Variants in GMPPB observed in about 807,000 individuals in gnomAD.
GMPPB encodes the protein mannose-1-phosphate guanylyltransferase catalytic subunit beta.
GMPPB carries 38 observed loss-of-function variants against 40.3 expected under a neutral mutation model. The ratio of observed to expected loss-of-function variants is 0.94; its 90% CI spans 0.73 to 1.24. The LOEUF (loss-of-function observed/expected upper bound fraction) is 1.24. Ranked by LOEUF, GMPPB falls within the 50% of genes most tolerant of loss-of-function variation. The pLI, the probability that GMPPB is intolerant of heterozygous loss-of-function variation, is 0.00. For synonymous variants in GMPPB, 193 were observed against 191.8 expected, an observed-to-expected ratio of 1.01 and a Z score of -0.05; for missense variants, 436 against 487.1, an observed-to-expected ratio of 0.90 and a Z score of 0.99.
Position 49,721,331 on chromosome 3 carries a change from A to G in GMPPB, c.*421T>C, listed in dbSNP as rs4768. On this transcript the variant is annotated 3_prime_UTR_variant, in exon 9 of 9. Coordinates refer to ENST00000308388, the MANE Select transcript of GMPPB (RefSeq NM_021971.4). ...CCCTCACAGCCTGTGCCATCCTGGA[A>G]CCTCCACCTTTGAACCCAGAGCCAG... 480,821 of 1,613,390 alleles carry G rather than the reference A, an allele frequency of 0.3. 73,936 individuals are homozygous for G. The highest frequency in any genetic ancestry group is 0.32 in the Non-Finnish European group (375,464 of 1,179,554).
In GMPPB at chr3:49,722,662, C is replaced by T; in HGVS notation, c.495G>A (p.Val165=). 6.2e-7 allele frequency: 1 copy of T among 1,614,050 alleles called. No individual in the cohort carries two copies. Among genetic ancestry groups the T allele is most frequent in the Non-Finnish European group, 8.5e-7 (1 of 1,180,042 alleles). ...CTGCGTTGATCTTATTGGACACAAA[C>T]ACCTGTGGCTTCTCCACGAACCGGT... ...RIHRFVEKPQ[V]FVSNKINAGM... Residue 165 remains valine (V), a synonymous_variant, in exon 5 of 9, where the codon GTG becomes GTA. Transcript: ENST00000308388.
At position 49,722,280 on chromosome 3, in the gene GMPPB, T is replaced by C. The variant is rs2080427047; in HGVS notation, c.719A>G (p.Gln240Arg). ...AGGGCCTGAGCACAGCCGCTCAGGC[T>C]GCTTCTGCCTCAGTGACTGCAGGAA... ...CLFLQSLRQKQPERLCSGPGI... is the reference protein window; with the variant it reads ...CLFLQSLRQKRPERLCSGPGI... Residue 240 changes from glutamine (Q) to arginine (R), a missense_variant, in exon 7 of 9, where the codon CAG (glutamine) becomes CGG (arginine). Coordinates refer to ENST00000308388, the MANE Select transcript of GMPPB (RefSeq NM_021971.4). 1 of 1,613,934 alleles carries C rather than the reference T, an allele frequency of 6.2e-7. No individual in the cohort carries two copies. Among genetic ancestry groups the C allele is most frequent in the Non-Finnish European group, 8.5e-7 (1 of 1,180,020 alleles).
chr3:49,722,559 C>G (rs879114878), intron 5 of GMPPB, 37 bp downstream of exon 5: 2 of 1,612,860 alleles, frequency 1.2e-6, no homozygotes, highest in African/African-American at 1.3e-5. Flanking sequence ...TGATGGCCTG[C>G]CCCACCCCAG....
At chr3:49,722,552 T>C (rs1444242187) in intron 5 of GMPPB, 42 bp from the exon 6 acceptor site, 1 of 1,613,376 alleles carries the variant, frequency 6.2e-7, no homozygotes, top group African/African-American at 1.3e-5. Context: ...ATGGCGGTGA[T>C]GGCCTGCCCC....
At chr3:49,723,164 A>C (rs2080449735) in intron 3 of GMPPB, 50 bp from the exon 4 acceptor site, 11 of 1,612,446 alleles carry the variant, frequency 6.8e-6, no homozygotes, top group Non-Finnish European at 8.5e-6. Flanking sequence ...GAGTCCCTGG[A>C]TTCAGGCTCA....
rs761577278 is a variant in GMPPB at position 49,722,546 on chromosome 3, C to T, written c.562-36G>A. On this transcript the variant is annotated intron_variant, in intron 5 of 8. Transcript: ENST00000308388. ...GGGCAGCTTGTGAGCAGGGTCATGGCGGTGATGGCCTGCCCCACCCCAGCC... is the reference window on the plus strand; with the variant it reads ...GGGCAGCTTGTGAGCAGGGTCATGGTGGTGATGGCCTGCCCCACCCCAGCC... The T allele has an allele frequency of 4.3e-6, 7 of 1,613,328 alleles. No individual in the cohort carries two copies. The African/African-American group carries it at 5.3e-5, about 12-fold the overall frequency.
In GMPPB at chr3:49,723,814, T is replaced by TGCCCGGCCCCGC. The variant is rs2080463316; in HGVS notation, c.-100_-89dup. 3 of 1,423,332 alleles carry TGCCCGGCCCCGC rather than the reference T, an allele frequency of 2.1e-6. No individual in the cohort carries two copies. The highest frequency in any genetic ancestry group is 2.5e-4 in the Middle Eastern group (1 of 3,982). The allele number at this position is 1,423,332 out of a possible 1,614,324, so 88.2% of individuals were successfully genotyped here. A position where few individuals can be genotyped will look rare whatever the true frequency, so the allele number is the denominator to read the frequency against. On this transcript the variant is annotated 5_prime_UTR_variant, in exon 1 of 9. Transcript: ENST00000308388. ...TCCCTGCCGCGCACTCCCAACGCCGTGCCCGGCCCCGCGCCCTTCACCAAC... is the reference window on the plus strand; with the variant it reads ...TCCCTGCCGCGCACTCCCAACGCCGTGCCCGGCCCCGCGCCCGGCCCCGCGCCCTTCACCAAC...
rs2080463815 is a variant in GMPPB, at chr3:49,723,853, T to C, written c.-127A>G. ...CCCTTCACCAACCCGCCTGACAGAC[T>C]CTGGCTCCACCTCGTCCGCCCGGTC... On this transcript the variant is annotated 5_prime_UTR_variant, in exon 1 of 9. Coordinates refer to ENST00000308388, the MANE Select transcript of GMPPB (RefSeq NM_021971.4). 4.4e-6 allele frequency: 5 copies of C among 1,140,554 alleles called. No homozygotes were observed. The highest frequency in any genetic ancestry group is 6.0e-6 in the Non-Finnish European group (5 of 836,938). 70.7% of individuals were successfully genotyped at this position (1,140,554 alleles called of 1,614,324 possible).
At position 49,723,862 on chromosome 3, in the gene GMPPB, A is replaced by G; in HGVS notation, c.-136T>C. ...AACCCGCCTGACAGACTCTGGCTCCACCTCGTCCGCCCGGTCGCCCTGACG... is the reference window on the plus strand; with the variant it reads ...AACCCGCCTGACAGACTCTGGCTCCGCCTCGTCCGCCCGGTCGCCCTGACG... On this transcript the variant is annotated 5_prime_UTR_variant, in exon 1 of 9. Coordinates refer to ENST00000308388, the MANE Select transcript of GMPPB (RefSeq NM_021971.4). 9.7e-7 allele frequency: 1 copy of G among 1,029,154 alleles called. No individual in the cohort carries two copies. Among genetic ancestry groups the G allele is most frequent in the East Asian group, 2.8e-5 (1 of 35,566 alleles). The allele number at this position is 1,029,154 out of a possible 1,614,324, so 63.8% of individuals were successfully genotyped here.
intron 5 of GMPPB, 35 bp downstream of exon 5, chr3:49,722,561 C>T: frequency 6.2e-7 from 1 of 1,613,250 alleles, no homozygotes; most frequent in Non-Finnish European, 8.5e-7. Flanking sequence ...ATGGCCTGCC[C>T]CACCCCAGCC....
rs2080397354 is a variant in GMPPB at position 49,721,164 on chromosome 3, T to A, written c.*588A>T. On this transcript the variant is annotated 3_prime_UTR_variant, in exon 9 of 9. Coordinates refer to ENST00000308388, the MANE Select transcript of GMPPB (RefSeq NM_021971.4). ...GCAGTAGGTACATGCAGGGCAGTCC[T>A]CATCCCCTCCCCTGTTGTAGAGCCT... 6.2e-7 allele frequency: 1 copy of A among 1,614,172 alleles called. No homozygotes were observed. The highest frequency in any genetic ancestry group is 8.5e-7 in the Non-Finnish European group (1 of 1,180,014).
In GMPPB at chr3:49,721,997, T is replaced by C. The variant is rs1464582508; in HGVS notation, c.919A>G (p.Ile307Val). The C allele has an allele frequency of 7.4e-7, 1 of 1,356,376 alleles. No individual in the cohort carries two copies. The highest frequency in any genetic ancestry group is 4.8e-5 in the East Asian group (1 of 20,890). 84.0% of individuals were successfully genotyped at this position (1,356,376 alleles called of 1,614,324 possible). A position where few individuals can be genotyped will look rare whatever the true frequency, so the allele number is the denominator to read the frequency against. The change falls in exon 8 of 9, where the codon ATT (isoleucine) becomes GTT (valine). Residue 307 changes from isoleucine to valine, a missense_variant. By Grantham distance (29) the Ile-to-Val change is conservative. Transcript: ENST00000308388. ...CCCACGCGGCAGCGCCAGCCCACAA[T>C]GCAGGACTCAAGCCAGGAATGGGAA... ...IRSHSWLESC[I>V]VGWRCRVGQW...
rs1457049404 is a variant in GMPPB, at chr3:49,720,737, G to A, written c.*1015C>T. On this transcript the variant is annotated 3_prime_UTR_variant, in exon 9 of 9. Transcript: ENST00000308388. ...TAAGAACAGCAAAGTCCTAGGCTGGGAATATTCAAGAGGCATCACATCCTC... is the reference window on the plus strand; with the variant it reads ...TAAGAACAGCAAAGTCCTAGGCTGGAAATATTCAAGAGGCATCACATCCTC... The A allele has an allele frequency of 8.1e-6, 13 of 1,611,066 alleles. No homozygotes were observed. The highest frequency in any genetic ancestry group is 1.1e-5 in the Non-Finnish European group (13 of 1,177,612).
At position 49,721,135 on chromosome 3, in the gene GMPPB, G is replaced by T. The variant is rs1383867536; in HGVS notation, c.*617C>A. Reference sequence around the variant, plus strand: ...GTGGGCCCCACAGCTTGGTGGTGGGGAGAGCAGTAGGTACATGCAGGGCAG... The same window carrying T: ...GTGGGCCCCACAGCTTGGTGGTGGGTAGAGCAGTAGGTACATGCAGGGCAG... On this transcript the variant is annotated 3_prime_UTR_variant, in exon 9 of 9. Coordinates refer to ENST00000308388, the MANE Select transcript of GMPPB (RefSeq NM_021971.4). 6.2e-7 allele frequency: 1 copy of T among 1,614,038 alleles called. No homozygotes were observed. Among genetic ancestry groups the T allele is most frequent in the Non-Finnish European group, 8.5e-7 (1 of 1,179,918 alleles).
At chr3:49,721,911 G>A in intron 8 of GMPPB, 28 bp from the exon 9 acceptor site, 1 of 1,613,848 alleles carries the variant, frequency 6.2e-7, no homozygotes, top group East Asian at 2.2e-5. Flanking sequence ...CCTTGTCAGG[G>A]AGGCAGGCAC....
Position 49,723,892 on chromosome 3 carries a change from A to T in GMPPB, c.-166T>A. On this transcript the variant is annotated 5_prime_UTR_variant, in exon 1 of 9. Transcript: ENST00000308388. Reference sequence around the variant, plus strand: ...GTCCGCCCGGTCGCCCTGACGCCGGATCCAGGGCCGCCACAACACAGAACG... The same window carrying T: ...GTCCGCCCGGTCGCCCTGACGCCGGTTCCAGGGCCGCCACAACACAGAACG... The T allele has an allele frequency of 4.1e-6, 3 of 726,688 alleles. No homozygotes were observed. The South Asian group carries it at 6.0e-5, about 15-fold the overall frequency. 45.0% of individuals were successfully genotyped at this position (726,688 alleles called of 1,614,324 possible).
Position 49,722,341 on chromosome 3 carries a change from C to G in GMPPB, c.658G>C (p.Gly220Arg). The G allele has an allele frequency of 1.9e-6, 3 of 1,613,894 alleles. No individual in the cohort carries two copies. Among genetic ancestry groups the G allele is most frequent in the Non-Finnish European group, 2.5e-6 (3 of 1,179,964 alleles). Residue 220 changes from glycine (G) to arginine (R), a missense_variant, in exon 7 of 9, where the codon GGG (glycine) becomes CGG (arginine). By Grantham distance (125) the Gly-to-Arg change is moderately radical. Coordinates refer to ENST00000308388, the MANE Select transcript of GMPPB (RefSeq NM_021971.4). ...CCAGTGAGGAAGTCCTTGGGCTGCCCAATGTCCATCCAGAAGCCTGTAGGG... is the reference window on the plus strand; with the variant it reads ...CCAGTGAGGAAGTCCTTGGGCTGCCGAATGTCCATCCAGAAGCCTGTAGGG... ...MELQGFWMDI[G>R]QPKDFLTGMC...
chr3:49,721,857 C>G lies in GMPPB; in HGVS notation c.978G>C (p.Leu326=), dbSNP rs1209349404. 6.2e-7 allele frequency: 1 copy of G among 1,613,850 alleles called. No individual in the cohort carries two copies. Among genetic ancestry groups the G allele is most frequent in the Non-Finnish European group, 8.5e-7 (1 of 1,179,984 alleles). Residue 326 remains leucine (L), a synonymous_variant, in exon 9 of 9, where the codon CTG becomes CTC. Transcript: ENST00000308388. The stretch of plus-strand genomic sequence containing the variant: ...CATCATTAACTATGACGTCCTCACC[C>G]AGCACTGTCACGTTCTCCATGCGTA... The part of the protein sequence containing the change: ...QWVRMENVTV[L]GEDVIVNDEL...
Position 49,722,980 on chromosome 3 carries a change from A to C in GMPPB, c.394T>G (p.Ser132Ala). The change falls in exon 4 of 9, where the codon TCC (serine) becomes GCC (alanine). Residue 132 changes from serine (S) to alanine (A), a missense_variant. Transcript: ENST00000308388. ...QFHRHHGQEGSILVTKVEEPS... is the reference protein window; with the variant it reads ...QFHRHHGQEGAILVTKVEEPS... ...AAGACCTGGCGCCTTACCAGGATGGAGCCCTCCTGGCCATGGTGCCGGTGG... is the reference window on the plus strand; with the variant it reads ...AAGACCTGGCGCCTTACCAGGATGGCGCCCTCCTGGCCATGGTGCCGGTGG... 1 of 1,613,282 alleles carries C rather than the reference A, an allele frequency of 6.2e-7. No individual in the cohort carries two copies. Among genetic ancestry groups the C allele is most frequent in the Non-Finnish European group, 8.5e-7 (1 of 1,179,516 alleles).
Sources: allele counts gnomAD v4.1 joint callset, GRCh38; gene constraint gnomAD v4.1.1; transcripts MANE v1.5; gene names NCBI Gene and HGNC (gene_info 2026-07-23, HGNC 2026-07-21).